The following PTPRD variants were observed in gnomAD, a reference collection of about 807,000 sequenced individuals.
The protein encoded by PTPRD is receptor-type tyrosine-protein phosphatase delta.
PTPRD carries 34 observed loss-of-function variants against 214.5 expected under a neutral mutation model. The ratio of observed to expected loss-of-function variants is 0.16; its 90% CI spans 0.12 to 0.21. PTPRD has a LOEUF of 0.21. Ranked by LOEUF, PTPRD falls within the 10% of genes least tolerant of loss-of-function variation. The pLI is 1.00. For missense variants in PTPRD, 2,545 were observed against 2,398.7 expected (o/e 1.06, Z -1.27); for synonymous variants, 1,128 against 845.7 (o/e 1.33, Z -5.79).
chr9:10,009,926 A>C (rs1190335210), intron 4 of PTPRD, among the ~76,000 whole-genome samples: 1 of 151,848 alleles, frequency 6.6e-6, no homozygotes, highest in African/African-American at 2.4e-5. Flanking sequence ...GTTGTGCCTG[A>C]ATTCCAAAGG....
Position 8,708,109 on chromosome 9 carries a change from C to T in PTPRD, c.64+25671G>A, listed in dbSNP as rs74527919. On this transcript the variant is annotated intron_variant, in intron 12 of 45. Transcript: ENST00000381196. Reference sequence around the variant, plus strand: ...AAATAAAGGGGAAATCTCAATCCAACAAAAATGGATGCCGTGTATAAAATT... The same window carrying T: ...AAATAAAGGGGAAATCTCAATCCAATAAAAATGGATGCCGTGTATAAAATT... 8.7e-4 allele frequency among the ~76,000 whole-genome samples: 133 copies of T among 152,290 alleles called. No individual in the cohort carries two copies. In the South Asian group the frequency reaches 0.013, roughly 15 times the overall value.
intron 8 of PTPRD, among the ~76,000 whole-genome samples, chr9:9,465,986 C>G (rs1381762112): frequency 6.6e-6 from 1 of 151,952 alleles, no homozygotes. Context: ...ATATTTAATT[C>G]CATAGCATTG....
chr9:9,225,611 A>G (rs1247787885), intron 9 of PTPRD, among the ~76,000 whole-genome samples: 2 of 152,092 alleles, frequency 1.3e-5, no homozygotes, highest in Non-Finnish European at 2.9e-5. Flanking sequence ...CTATTGAGAC[A>G]TCACTAGCTG....
chr9:8,934,062 G>A (rs1266786781), intron 11 of PTPRD, among the ~76,000 whole-genome samples: 1 of 151,804 alleles, frequency 6.6e-6, no homozygotes, highest in Non-Finnish European at 1.5e-5. Context: ...GGACTCTTTT[G>A]GCCTCAGTCA....
At chr9:10,315,859 A>G (rs1425352964) in intron 3 of PTPRD, among the ~76,000 whole-genome samples, 1 of 151,812 alleles carries the variant, frequency 6.6e-6, no homozygotes, top group Non-Finnish European at 1.5e-5. Flanking sequence ...TATGCCATTT[A>G]TAGTAGTATA....
intron 9 of PTPRD, among the ~76,000 whole-genome samples, chr9:9,276,193 T>G (rs962376632): frequency 1.3e-5 from 2 of 151,344 alleles, no homozygotes; most frequent in African/African-American, 4.8e-5. Flanking sequence ...ATGAATTTTT[T>G]GAATCTGATG....
At chr9:9,475,236 T>C (rs569507796) in intron 8 of PTPRD, among the ~76,000 whole-genome samples, 20 of 152,308 alleles carry the variant, frequency 1.3e-4, no homozygotes, top group African/African-American at 4.8e-4. Context: ...TCTGCAATTA[T>C]GTAGGGTTGA....
chr9:9,770,827 T>A (rs2098746223), intron 5 of PTPRD, among the ~76,000 whole-genome samples: 1 of 152,208 alleles, frequency 6.6e-6, no homozygotes, highest in African/African-American at 2.4e-5. Flanking sequence ...ATTGATGAAA[T>A]GAGAAGAGGA....
At position 9,759,544 on chromosome 9, in the gene PTPRD, T is replaced by G. The variant is rs180980590; in HGVS notation, c.-326+7266A>C. Among the ~76,000 whole-genome samples, 1,273 of 150,450 alleles carry G rather than the reference T, an allele frequency of 8.5e-3. 11 individuals carry two copies. Among genetic ancestry groups the G allele is most frequent in the Non-Finnish European group, 0.015 (1,001 of 67,784 alleles). ...AAATGATGCAAACATCTTCAAATAG[T>G]CAAGGTCTGTCTTTTTTTTTTTTTT... is the stretch of plus-strand genomic sequence containing the variant. On this transcript the variant is annotated intron_variant, in intron 6 of 45. Transcript: ENST00000381196.
At chr9:10,493,447 C>A (rs549834030) in intron 2 of PTPRD, among the ~76,000 whole-genome samples, 1 of 152,140 alleles carries the variant, frequency 6.6e-6, no homozygotes, top group African/African-American at 2.4e-5. Context: ...TAATGCCACA[C>A]ATCTACAACT....
At chr9:8,751,009 C>A (rs936883207) in intron 11 of PTPRD, among the ~76,000 whole-genome samples, 1 of 152,174 alleles carries the variant, frequency 6.6e-6, no homozygotes, top group Non-Finnish European at 1.5e-5. Context: ...AGCCATTAAG[C>A]TCTATTGTGA....
At chr9:9,412,199 G>C (rs1249493213) in intron 8 of PTPRD, among the ~76,000 whole-genome samples, 1 of 151,954 alleles carries the variant, frequency 6.6e-6, no homozygotes, top group East Asian at 1.9e-4. Context: ...TTTACAAACA[G>C]ACAAATGACC....
chr9:10,360,982 G>A (rs867102970), intron 2 of PTPRD, among the ~76,000 whole-genome samples: 13 of 152,062 alleles, frequency 8.5e-5, no homozygotes, highest in Admixed American at 4.6e-4. Flanking sequence ...GGCGCCTGTA[G>A]TCCCAGCTAC....
At chr9:8,573,660 C>T (rs984759428) in intron 14 of PTPRD, among the ~76,000 whole-genome samples, 27 of 151,814 alleles carry the variant, frequency 1.8e-4, no homozygotes, top group Non-Finnish European at 3.2e-4. Flanking sequence ...CATTTCCTCT[C>T]CCTATAACAT....
intron 7 of PTPRD, among the ~76,000 whole-genome samples, chr9:9,608,461 C>G (rs915398509): frequency 6.6e-6 from 1 of 152,096 alleles, no homozygotes; most frequent in African/African-American, 2.4e-5. Context: ...TCAGGTAAAA[C>G]ATTATTTCTC....
At chr9:10,182,664 A>T (rs1449596574) in intron 3 of PTPRD, among the ~76,000 whole-genome samples, 1 of 152,200 alleles carries the variant, frequency 6.6e-6, no homozygotes, top group Non-Finnish European at 1.5e-5. Context: ...TGGACAGTAA[A>T]ACACTTGATT....
chr9:9,461,935 A>T (rs111505590), intron 8 of PTPRD, among the ~76,000 whole-genome samples: 11 of 152,236 alleles, frequency 7.2e-5, no homozygotes, highest in African/African-American at 2.6e-4. Flanking sequence ...TTAAATTGGG[A>T]CTTCTACCTT....
intron 10 of PTPRD, among the ~76,000 whole-genome samples, chr9:9,084,312 A>G (rs1033551882): frequency 1.3e-5 from 2 of 152,198 alleles, no homozygotes; most frequent in African/African-American, 4.8e-5. Flanking sequence ...ACAGAAAACC[A>G]AACACCGCAT....
chr9:8,331,371 ATAAACATTTTTTTGGGGC>A (rs890649766), intron 44 of PTPRD, among the ~76,000 whole-genome samples, 193 bp downstream of exon 44: 47 of 151,310 alleles, frequency 3.1e-4, no homozygotes, highest in East Asian at 1.2e-3. Context: ...TTTTTGGGGG[ATAAACATTTTTTTGGGGC>A]TAAACATTTT....
Sources: allele counts gnomAD v4.1 joint callset (sites outside exome capture counted in the v4.1 genomes callset), GRCh38; gene constraint gnomAD v4.1.1; transcripts MANE v1.5; gene names NCBI Gene and HGNC (gene_info 2026-07-23, HGNC 2026-07-21).